Variants in DOCK10 observed in about 807,000 individuals in gnomAD.
The protein encoded by DOCK10 is dedicator of cytokinesis protein 10.
DOCK10 carries 145 observed loss-of-function variants against 280.1 expected under a neutral mutation model. That is an observed-to-expected ratio of 0.52 (90% CI 0.45 to 0.59). The LOEUF is 0.59. DOCK10 is among the 20% of genes least tolerant of loss of function. DOCK10 has a pLI of 0.00. For missense variants in DOCK10, 2,368 were observed against 2,651.7 expected (o/e 0.89, Z 2.35); for synonymous variants, 915 against 942.2 (o/e 0.97, Z 0.53).
intron 1 of DOCK10, among the ~76,000 whole-genome samples, chr2:224,994,732 C>T (rs1422529014): frequency 1.3e-5 from 2 of 152,170 alleles, no homozygotes; most frequent in African/African-American, 4.8e-5. Context: ...TTCTTCTACT[C>T]ACTTTATGTA....
intron 1 of DOCK10, among the ~76,000 whole-genome samples, chr2:224,980,410 TAAC>T (rs1300440858): frequency 6.6e-6 from 1 of 152,248 alleles, no homozygotes; most frequent in Non-Finnish European, 1.5e-5. Flanking sequence ...AGCATTTCCA[TAAC>T]AACAACACTG....
intron 3 of DOCK10, among the ~76,000 whole-genome samples, chr2:224,915,982 T>C (rs1259531945): frequency 2.0e-5 from 3 of 152,214 alleles, no homozygotes; most frequent in Non-Finnish European, 4.4e-5. Context: ...TGAAATGTAA[T>C]CTCCAATGTT....
intron 1 of DOCK10, among the ~76,000 whole-genome samples, chr2:225,009,962 A>G (rs1324785103): frequency 2.0e-5 from 3 of 152,148 alleles, no homozygotes; most frequent in African/African-American, 7.2e-5. Context: ...AACTGCCCCA[A>G]ACACTCAGGG....
chr2:224,996,270 CAACTG>C (rs923659350), intron 1 of DOCK10, among the ~76,000 whole-genome samples: 3 of 152,156 alleles, frequency 2.0e-5, no homozygotes, highest in Admixed American at 2.0e-4. Flanking sequence ...CAAAATATGA[CAACTG>C]AATTAGTAGA....
At chr2:224,854,171 A>G (rs934551426) in intron 16 of DOCK10, among the ~76,000 whole-genome samples, 7 of 152,042 alleles carry the variant, frequency 4.6e-5, no homozygotes, top group Non-Finnish European at 1.0e-4. Context: ...CAAATATCCC[A>G]TGGCAATAGT....
intron 1 of DOCK10, among the ~76,000 whole-genome samples, chr2:224,956,625 G>GAAAAAAAAAAAAA (rs3083983): frequency 2.5e-5 from 2 of 78,656 alleles, no homozygotes; most frequent in African/African-American, 5.4e-5. Context: ...CGCTACCTCA[G>GAAAAAAAAAAAAA]AAAAAAAAAA....
Position 224,784,151 on chromosome 2 carries a change from G to C in DOCK10, c.5655+2871C>G, listed in dbSNP as rs189061344. 7.2e-5 allele frequency among the ~76,000 whole-genome samples: 11 copies of C among 152,046 alleles called. No individual in the cohort carries two copies. In the East Asian group the frequency reaches 2.1e-3, roughly 29 times the overall value. On this transcript the variant is annotated intron_variant, in intron 50 of 55. Transcript: ENST00000258390. ...TCTGGAGACTTACCCAGACATATTG[G>C]GTAAAGATTTATTCCCTGGTTCATC...
intron 1 of DOCK10, among the ~76,000 whole-genome samples, chr2:225,000,205 GAC>G (rs773265503): frequency 3.0e-4 from 36 of 120,888 alleles, no homozygotes; most frequent in East Asian, 7.2e-4. Flanking sequence ...CACACACACA[GAC>G]ACACACACAC....
intron 7 of DOCK10, among the ~76,000 whole-genome samples, chr2:224,882,919 G>A (rs1284274004): frequency 6.6e-6 from 1 of 152,152 alleles, no homozygotes; most frequent in East Asian, 1.9e-4. Context: ...TGTAAGAACT[G>A]GGACCCACAC....
chr2:224,839,086 TC>T (rs200018719), intron 24 of DOCK10, among the ~76,000 whole-genome samples: 4 of 151,622 alleles, frequency 2.6e-5, no homozygotes, highest in Middle Eastern at 3.4e-3. Flanking sequence ...TCATAGCACT[TC>T]TTTTTTTTTG....
intron 1 of DOCK10, among the ~76,000 whole-genome samples, chr2:224,995,720 G>A (rs993905245): frequency 3.3e-5 from 5 of 152,238 alleles, no homozygotes; most frequent in Admixed American, 2.0e-4. Flanking sequence ...TGCAAATCTC[G>A]GTACATTCCC....
chr2:224,899,509 T>C (rs762638135), intron 3 of DOCK10, among the ~76,000 whole-genome samples: 3 of 152,114 alleles, frequency 2.0e-5, no homozygotes, highest in Non-Finnish European at 4.4e-5. Context: ...TGTTATATGT[T>C]AGAAAATGGT....
intron 28 of DOCK10, among the ~76,000 whole-genome samples, 176 bp downstream of exon 28, chr2:224,823,325 A>G (rs1694630975): frequency 6.7e-6 from 1 of 150,172 alleles, no homozygotes; most frequent in African/African-American, 2.4e-5. Flanking sequence ...TTCAAATTGA[A>G]AAAAAAAATT....
At chr2:224,927,486 T>C (rs189762555) in intron 2 of DOCK10, among the ~76,000 whole-genome samples, 81 of 152,308 alleles carry the variant, frequency 5.3e-4, no homozygotes, top group African/African-American at 1.8e-3. Flanking sequence ...GGAGGTATGG[T>C]CCAGGCAAAT....
chr2:224,972,644 A>G (rs1705157252), intron 1 of DOCK10, among the ~76,000 whole-genome samples: 1 of 152,250 alleles, frequency 6.6e-6, no homozygotes, highest in African/African-American at 2.4e-5. Context: ...TACTGAACTT[A>G]AAATGCATTC....
Position 224,864,984 on chromosome 2 carries a change from A to C in DOCK10, c.1361T>G (p.Met454Arg), listed in dbSNP as rs373891140. Reference sequence around the variant, plus strand: ...CAAAGCCACAGAAGCCCCCAAGAGCATCTGTCTGACAGCAGCATGGTTTAG... The same window carrying C: ...CAAAGCCACAGAAGCCCCCAAGAGCCTCTGTCTGACAGCAGCATGGTTTAG... ...VDLNHAAVRQ[M>R]LLGASVALEN... The change falls in exon 12 of 56, where the codon ATG (methionine) becomes AGG (arginine). Residue 454 changes from methionine to arginine, a missense_variant. Coordinates refer to ENST00000258390, the MANE Select transcript of DOCK10 (RefSeq NM_014689.3). 1.7e-5 allele frequency: 28 copies of C among 1,613,884 alleles called. No homozygotes were observed. In the South Asian group the frequency reaches 1.9e-4, roughly 11 times the overall value.
Position 224,937,646 on chromosome 2 carries a change from T to A in DOCK10, c.124-5978A>T, listed in dbSNP as rs188157657. The stretch of plus-strand genomic sequence containing the variant: ...TCCTGAGTGAAGTCAGTCTACTCTA[T>A]CCCCCATAGGAAAAAGGAAAGCGAT... On this transcript the variant is annotated intron_variant, in intron 1 of 55. Transcript: ENST00000258390. 4.6e-3 allele frequency among the ~76,000 whole-genome samples: 700 copies of A among 152,170 alleles called. 3 individuals carry two copies. The highest frequency in any genetic ancestry group is 6.8e-3 in the Middle Eastern group (2 of 294).
In DOCK10 at chr2:224,884,244, T is replaced by C. The variant is rs1189305491; in HGVS notation, c.747+1427A>G. Among the ~76,000 whole-genome samples the C allele has an allele frequency of 4.6e-5, 7 of 152,282 alleles. No homozygotes were observed. The Middle Eastern group carries it at 0.01, about 222-fold the overall frequency. ...ATTCCAGATTTTAACAGATAAACCA[T>C]CCAGAAATAGGCCGGGACTAAATGA... On this transcript the variant is annotated intron_variant, in intron 7 of 55. Coordinates refer to ENST00000258390, the MANE Select transcript of DOCK10 (RefSeq NM_014689.3).
rs148589957 is a variant in DOCK10, at chr2:224,994,004, A to T, written c.123+48248T>A. 8.1e-3 allele frequency among the ~76,000 whole-genome samples: 1,236 copies of T among 152,328 alleles called. 16 individuals are homozygous for T. The highest frequency in any genetic ancestry group is 0.029 in the African/African-American group (1,194 of 41,576). ...GTCCCCACCCAATATAGAGATGAAG[A>T]GAGGGCATATCCCATGAACATGCTT... On this transcript the variant is annotated intron_variant, in intron 1 of 55. Transcript: ENST00000258390.
Sources: gnomAD v4.1 joint callset for allele counts (sites outside exome capture counted in the v4.1 genomes callset) on GRCh38, gnomAD v4.1.1 for gene constraint, MANE v1.5 for transcripts, NCBI Gene and HGNC (gene_info 2026-07-23, HGNC 2026-07-21) for gene names.